Variants in P2RY12 observed in about 807,000 individuals in gnomAD.
P2RY12 encodes the protein purinergic receptor P2Y12.
P2RY12 carries 3 observed loss-of-function variants against 4.5 expected under a neutral mutation model. That is an observed-to-expected ratio of 0.67 (90% CI 0.31 to 1.74). P2RY12 has a LOEUF of 1.74. Ranked by LOEUF, P2RY12 falls within the 40% of genes most tolerant of loss-of-function variation. P2RY12 has a pLI of 0.09. For synonymous variants in P2RY12, 148 were observed against 154.1 expected, an observed-to-expected ratio of 0.96 and a Z score of 0.29; for missense variants, 356 against 407.8, an observed-to-expected ratio of 0.87 and a Z score of 1.09.
chr3:151,383,860 T>G (rs766090083), intron 1 of P2RY12: 14 of 1,613,736 alleles, frequency 8.7e-6, no homozygotes, highest in Non-Finnish European at 1.2e-5. Flanking sequence ...GATCATTACT[T>G]CAGGAACTGT....
chr3:151,368,570 G>A (rs2107955640), intron 1 of P2RY12, among the ~76,000 whole-genome samples: 1 of 147,870 alleles, frequency 6.8e-6, no homozygotes, highest in South Asian at 2.2e-4. Flanking sequence ...CATCACAGCA[G>A]CTTAGGGCAA....
intron 1 of P2RY12, among the ~76,000 whole-genome samples, chr3:151,358,843 A>G (rs1754264637): frequency 6.6e-6 from 1 of 152,174 alleles, no homozygotes; most frequent in Admixed American, 6.6e-5. Context: ...TGACTACTAT[A>G]CGATGGATAC....
At chr3:151,372,638 T>C (rs547936154) in intron 1 of P2RY12, 32 of 1,613,946 alleles carry the variant, frequency 2.0e-5, no homozygotes, top group Non-Finnish European at 2.4e-5. Flanking sequence ...AGGTTTGCGA[T>C]GTGATGGGAA....
At chr3:151,366,075 T>G in intron 1 of P2RY12, 1 of 1,176,232 alleles carries the variant, frequency 8.5e-7, no homozygotes, top group Non-Finnish European at 1.1e-6. Context: ...TGGCTTTTAT[T>G]TAATTGATTC....
chr3:151,383,133 A>C (rs992948502), intron 1 of P2RY12, among the ~76,000 whole-genome samples: 1 of 152,238 alleles, frequency 6.6e-6, no homozygotes, highest in African/African-American at 2.4e-5. Flanking sequence ...CATCAAATTG[A>C]TTATAAAGAC....
intron 1 of P2RY12, among the ~76,000 whole-genome samples, chr3:151,341,037 A>C (rs1163361482): frequency 6.6e-6 from 1 of 152,164 alleles, no homozygotes; most frequent in Non-Finnish European, 1.5e-5. Context: ...ATCCAAGTTG[A>C]GATCAAGCCT....
chr3:151,357,015 C>G (rs1754014369), intron 1 of P2RY12, among the ~76,000 whole-genome samples: 1 of 151,964 alleles, frequency 6.6e-6, no homozygotes, highest in Admixed American at 6.6e-5. Flanking sequence ...CTGGGTACTT[C>G]CTAATTGTAT....
chr3:151,370,541 A>G (rs574334717), intron 1 of P2RY12, among the ~76,000 whole-genome samples: 2 of 152,356 alleles, frequency 1.3e-5, no homozygotes, highest in South Asian at 4.1e-4. Flanking sequence ...AAGGGGAGGT[A>G]GAGCCACGTC....
intron 1 of P2RY12, chr3:151,383,665 A>G (rs933634221): frequency 1.5e-6 from 1 of 646,874 alleles, no homozygotes; most frequent in Non-Finnish European, 2.7e-6. Flanking sequence ...TCTATAAACT[A>G]GAGCATCCCT....
intron 1 of P2RY12, among the ~76,000 whole-genome samples, chr3:151,358,083 TG>T (rs1227684017): frequency 6.6e-6 from 1 of 152,172 alleles, no homozygotes; most frequent in African/African-American, 2.4e-5. Context: ...AAAAGAATCA[TG>T]GGGTTCTTTG....
rs374288824 is a variant in P2RY12 at position 151,376,957 on chromosome 3, A to G, written c.-180+7735T>C. The G allele has an allele frequency of 4.8e-5, 78 of 1,610,100 alleles. 1 individual carries two copies. The highest frequency in any genetic ancestry group is 6.7e-5 in the Admixed American group (4 of 59,854). On this transcript the variant is annotated intron_variant, in intron 1 of 2. Transcript: ENST00000302632. ...TTGATGTTTGAGGATAAAGGAATAC[A>G]CATATGTGCCAGTATTCTTATATCT...
intron 1 of P2RY12, chr3:151,367,751 T>G: frequency 1.2e-6 from 2 of 1,609,836 alleles, no homozygotes; most frequent in African/African-American, 1.3e-5. Context: ...CGCACTTCCC[T>G]CTCTTCTAGC....
At chr3:151,350,176 C>A (rs775153164) in intron 1 of P2RY12, 1 of 1,613,558 alleles carries the variant, frequency 6.2e-7, no homozygotes. Context: ...CCTGAAAATT[C>A]TAAATAAGAA....
At chr3:151,340,391 A>G (rs1577374148) in intron 2 of P2RY12, among the ~76,000 whole-genome samples, 1 of 152,084 alleles carries the variant, frequency 6.6e-6, no homozygotes, top group Non-Finnish European at 1.5e-5. Flanking sequence ...GCTTTGTATA[A>G]TTTTTCTTAA....
intron 1 of P2RY12, chr3:151,380,024 C>G (rs1245549851): frequency 3.8e-6 from 3 of 784,888 alleles, no homozygotes; most frequent in Non-Finnish European, 6.1e-6. Context: ...TCTTATTTAT[C>G]TAATAGTGAG....
intron 1 of P2RY12, chr3:151,349,976 C>T: frequency 7.5e-7 from 1 of 1,328,456 alleles, no homozygotes; most frequent in East Asian, 2.5e-5. Flanking sequence ...CATGGAGGTG[C>T]TGTGGTCAGT....
At chr3:151,362,999 A>C (rs569537217) in intron 1 of P2RY12, among the ~76,000 whole-genome samples, 5 of 152,026 alleles carry the variant, frequency 3.3e-5, no homozygotes, top group African/African-American at 7.2e-5. Flanking sequence ...TTAATAGTGA[A>C]CTTCCTCAGA....
intron 1 of P2RY12, among the ~76,000 whole-genome samples, chr3:151,376,515 T>A (rs1756872394): frequency 6.6e-6 from 1 of 152,160 alleles, no homozygotes; most frequent in South Asian, 2.1e-4. Context: ...TCATTTTGGA[T>A]TGGGATTGGT....
chr3:151,378,230 C>G, intron 1 of P2RY12: 1 of 1,483,838 alleles, frequency 6.7e-7, no homozygotes, highest in Non-Finnish European at 9.0e-7. Flanking sequence ...GAGAAAGTCT[C>G]ACTTCCTGTA....
Sources: allele counts gnomAD v4.1 joint callset (sites outside exome capture counted in the v4.1 genomes callset), GRCh38; gene constraint gnomAD v4.1.1; transcripts MANE v1.5; gene names NCBI Gene and HGNC (gene_info 2026-07-23, HGNC 2026-07-21).